Variants in LLPH observed in about 807,000 individuals in gnomAD.
The protein encoded by LLPH is LLP homolog, long-term synaptic facilitation factor.
Under a neutral mutation model 13.3 loss-of-function variants are expected in LLPH, and 5 were observed. The ratio of observed to expected loss-of-function variants is 0.38; its 90% CI spans 0.20 to 0.79. LLPH has a LOEUF of 0.79. Among genes scored for constraint, LLPH ranks in the 30% least tolerant of loss-of-function variants. LLPH has a pLI of 0.45. For missense variants in LLPH, 129 were observed against 152.1 expected (o/e 0.85, Z 0.80); for synonymous variants, 32 against 44.2 (o/e 0.72, Z 1.09).
In LLPH at chr12:66,122,871, T is replaced by C. The variant is rs2051472261; in HGVS notation, c.*969A>G. 1 of 152,164 alleles carries C rather than the reference T, an allele frequency of 6.6e-6. No homozygotes were observed. The highest frequency in any genetic ancestry group is 6.5e-5 in the Admixed American group (1 of 15,278). 9.4% of individuals were successfully genotyped at this position (152,164 alleles called of 1,614,324 possible). On this transcript the variant is annotated 3_prime_UTR_variant, in exon 3 of 3. Transcript: ENST00000266604. ...CATGATACTATATTAGGCCACACAA[T>C]ATTAACACTAAAGAACATTAAATCA... is the stretch of plus-strand genomic sequence containing the variant.
At chr12:66,125,663 C>T (rs906578675) in intron 2 of LLPH, among the ~76,000 whole-genome samples, 6 of 152,050 alleles carry the variant, frequency 3.9e-5, no homozygotes, top group Admixed American at 3.3e-4. Flanking sequence ...AGGAGATCTC[C>T]GAATAAAACC....
rs1466971350 is a variant in LLPH at position 66,117,107 on chromosome 12, A to G, written c.*6733T>C. ...TTTTTTTTTGGCTGAAAAGAACTTTAACAGCTTTCAACCCAAATTCCAAGA... is the reference window on the plus strand; with the variant it reads ...TTTTTTTTTGGCTGAAAAGAACTTTGACAGCTTTCAACCCAAATTCCAAGA... On this transcript the variant is annotated 3_prime_UTR_variant, in exon 3 of 3. Coordinates refer to ENST00000266604, the MANE Select transcript of LLPH (RefSeq NM_032338.4). 1 of 152,198 alleles carries G rather than the reference A, an allele frequency of 6.6e-6. No individual in the cohort carries two copies. The highest frequency in any genetic ancestry group is 2.4e-5 in the African/African-American group (1 of 41,450). 9.4% of individuals were successfully genotyped at this position (152,198 alleles called of 1,614,324 possible). A position where few individuals can be genotyped will look rare whatever the true frequency, so the allele number is the denominator to read the frequency against.
At position 66,118,765 on chromosome 12, in the gene LLPH, T is replaced by C. The variant is rs2051445157; in HGVS notation, c.*5075A>G. ...CTCAGAACACATCCCAGTCATTTAG[T>C]GACATATGACTATATATGGGAGGAT... On this transcript the variant is annotated 3_prime_UTR_variant, in exon 3 of 3. Transcript: ENST00000266604. The C allele has an allele frequency of 6.6e-6, 1 of 152,202 alleles. No homozygotes were observed. Among genetic ancestry groups the C allele is most frequent in the South Asian group, 2.1e-4 (1 of 4,838 alleles). The allele number at this position is 152,202 out of a possible 1,614,324, so 9.4% of individuals were successfully genotyped here.
At position 66,118,689 on chromosome 12, in the gene LLPH, C is replaced by G. The variant is rs1255470504; in HGVS notation, c.*5151G>C. On this transcript the variant is annotated 3_prime_UTR_variant, in exon 3 of 3. Coordinates refer to ENST00000266604, the MANE Select transcript of LLPH (RefSeq NM_032338.4). Reference sequence around the variant, plus strand: ...GATACCCTCTAGATTTGTGTAAGTACAGTCTATGATATTCACACAATGATT... The same window carrying G: ...GATACCCTCTAGATTTGTGTAAGTAGAGTCTATGATATTCACACAATGATT... 6.6e-6 allele frequency: 1 copy of G among 152,168 alleles called. No individual in the cohort carries two copies. Among genetic ancestry groups the G allele is most frequent in the Admixed American group, 6.5e-5 (1 of 15,280 alleles). The allele number at this position is 152,168 out of a possible 1,614,324, so 9.4% of individuals were successfully genotyped here. A position where few individuals can be genotyped will look rare whatever the true frequency, so the allele number is the denominator to read the frequency against.
chr12:66,118,702 T>G lies in LLPH; in HGVS notation c.*5138A>C, dbSNP rs931177834. 1.3e-5 allele frequency: 2 copies of G among 152,176 alleles called. No individual in the cohort carries two copies. Among genetic ancestry groups the G allele is most frequent in the Admixed American group, 6.5e-5 (1 of 15,274 alleles). The allele number at this position is 152,176 out of a possible 1,614,324, so 9.4% of individuals were successfully genotyped here. A position where few individuals can be genotyped will look rare whatever the true frequency, so the allele number is the denominator to read the frequency against. ...TTTGTGTAAGTACAGTCTATGATAT[T>G]CACACAATGATTAACGATATTACCT... On this transcript the variant is annotated 3_prime_UTR_variant, in exon 3 of 3. Transcript: ENST00000266604.
rs1235951067 is a variant in LLPH, at chr12:66,120,562, A to AT, written c.*3277dup. On this transcript the variant is annotated 3_prime_UTR_variant, in exon 3 of 3. Transcript: ENST00000266604. Reference sequence around the variant, plus strand: ...GCAGTTTTGATCATCTTTAAATTATATTTTGATTTCAGACTTAATTTCTTA... The same window carrying AT: ...GCAGTTTTGATCATCTTTAAATTATATTTTTGATTTCAGACTTAATTTCTTA... 1 of 152,192 alleles carries AT rather than the reference A, an allele frequency of 6.6e-6. No individual in the cohort carries two copies. The highest frequency in any genetic ancestry group is 2.4e-5 in the African/African-American group (1 of 41,448). The allele number at this position is 152,192 out of a possible 1,614,324, so 9.4% of individuals were successfully genotyped here.
In LLPH at chr12:66,118,496, ATT is replaced by A. The variant is rs1248226973; in HGVS notation, c.*5342_*5343del. 1 of 151,948 alleles carries A rather than the reference ATT, an allele frequency of 6.6e-6. No homozygotes were observed. Among genetic ancestry groups the A allele is most frequent in the African/African-American group, 2.4e-5 (1 of 41,352 alleles). 9.4% of individuals were successfully genotyped at this position (151,948 alleles called of 1,614,324 possible). The stretch of plus-strand genomic sequence containing the variant: ...TATTCATAAGTGGTACAGGTGTACC[ATT>A]TTTTTATCTTTTATACTGTATTTTT... On this transcript the variant is annotated 3_prime_UTR_variant, in exon 3 of 3. Coordinates refer to ENST00000266604, the MANE Select transcript of LLPH (RefSeq NM_032338.4).
In LLPH at chr12:66,120,021, C is replaced by T. The variant is rs1237412788; in HGVS notation, c.*3819G>A. 1.3e-5 allele frequency: 2 copies of T among 152,368 alleles called. No individual in the cohort carries two copies. The highest frequency in any genetic ancestry group is 6.5e-5 in the Admixed American group (1 of 15,310). 9.4% of individuals were successfully genotyped at this position (152,368 alleles called of 1,614,324 possible). A position where few individuals can be genotyped will look rare whatever the true frequency, so the allele number is the denominator to read the frequency against. Reference sequence around the variant, plus strand: ...AAATAGGATGTGGTCAAAACCACTACTTGATTCTACCTTAGAGCTTCAACT... The same window carrying T: ...AAATAGGATGTGGTCAAAACCACTATTTGATTCTACCTTAGAGCTTCAACT... On this transcript the variant is annotated 3_prime_UTR_variant, in exon 3 of 3. Coordinates refer to ENST00000266604, the MANE Select transcript of LLPH (RefSeq NM_032338.4).
At chr12:66,128,514 G>GTGA (rs2051511526) in intron 2 of LLPH, among the ~76,000 whole-genome samples, 1 of 152,112 alleles carries the variant, frequency 6.6e-6, no homozygotes, top group South Asian at 2.1e-4. Context: ...TAGGCCCTGA[G>GTGA]TGAACTGTGT....
chr12:66,125,499 A>G (rs2051490509), intron 2 of LLPH, among the ~76,000 whole-genome samples: 1 of 152,162 alleles, frequency 6.6e-6, no homozygotes, highest in Non-Finnish European at 1.5e-5. Flanking sequence ...CAAATAGATT[A>G]CTAAATGGGG....
At position 66,129,038 on chromosome 12, in the gene LLPH, T is replaced by C. The variant is rs748681815; in HGVS notation, c.69A>G (p.Pro23=). 29 of 1,611,364 alleles carry C rather than the reference T, an allele frequency of 1.8e-5. No individual in the cohort carries two copies. The highest frequency in any genetic ancestry group is 2.4e-5 in the Non-Finnish European group (28 of 1,177,822). Reference sequence around the variant, plus strand: ...TACTTTTAAGCCTGCTGGCCTCCTTTGGGGCATTCTTTTTTCTCTTTTCAG... The same window carrying C: ...TACTTTTAAGCCTGCTGGCCTCCTTCGGGGCATTCTTTTTTCTCTTTTCAG... ...MRAEKRKKNA[P]KEASRLKSIL... Residue 23 remains proline (P), a synonymous_variant, in exon 2 of 3, where the codon CCA becomes CCG. Coordinates refer to ENST00000266604, the MANE Select transcript of LLPH (RefSeq NM_032338.4).
intron 2 of LLPH, among the ~76,000 whole-genome samples, 200 bp downstream of exon 2, chr12:66,128,696 G>C (rs1415915259): frequency 1.3e-5 from 2 of 151,938 alleles, no homozygotes; most frequent in African/African-American, 4.8e-5. Context: ...GAAGCGCAGA[G>C]GGGCTGGGCA....
In LLPH at chr12:66,117,327, A is replaced by G. The variant is rs2051434982; in HGVS notation, c.*6513T>C. On this transcript the variant is annotated 3_prime_UTR_variant, in exon 3 of 3. Coordinates refer to ENST00000266604, the MANE Select transcript of LLPH (RefSeq NM_032338.4). ...ATTATAAGTAATCTAGAGATGATTT[A>G]AAGTACAGTCATGCATTGCATGATG... The G allele has an allele frequency of 6.6e-6, 1 of 152,234 alleles. No homozygotes were observed. The highest frequency in any genetic ancestry group is 2.1e-4 in the South Asian group (1 of 4,834). The allele number at this position is 152,234 out of a possible 1,614,324, so 9.4% of individuals were successfully genotyped here. A position where few individuals can be genotyped will look rare whatever the true frequency, so the allele number is the denominator to read the frequency against.
intron 2 of LLPH, among the ~76,000 whole-genome samples, chr12:66,126,176 T>A (rs906425443): frequency 6.6e-6 from 1 of 151,492 alleles, no homozygotes; most frequent in African/African-American, 2.4e-5. Context: ...TACAAAAAAT[T>A]AGCCGGGTGT....
rs76125191 is a variant in LLPH at position 66,119,455 on chromosome 12, CAG to C, written c.*4383_*4384del. 5,067 of 152,298 alleles carry C rather than the reference CAG, an allele frequency of 0.033. 132 individuals are homozygous for C. Among genetic ancestry groups the C allele is most frequent in the Non-Finnish European group, 0.053 (3,596 of 68,016 alleles). 9.4% of individuals were successfully genotyped at this position (152,298 alleles called of 1,614,324 possible). A position where few individuals can be genotyped will look rare whatever the true frequency, so the allele number is the denominator to read the frequency against. On this transcript the variant is annotated 3_prime_UTR_variant, in exon 3 of 3. Transcript: ENST00000266604. The stretch of plus-strand genomic sequence containing the variant: ...CTACCTGACAGTCCTCTGGAAACAG[CAG>C]AGTGACCTTTGACCTGATGTAAGTA...
intron 2 of LLPH, among the ~76,000 whole-genome samples, chr12:66,127,907 A>T (rs1309817219): frequency 1.3e-5 from 2 of 152,246 alleles, no homozygotes; most frequent in African/African-American, 4.8e-5. Flanking sequence ...AGGCAGATGC[A>T]TGAGTACAAC....
chr12:66,126,561 C>T (rs1319079549), intron 2 of LLPH, among the ~76,000 whole-genome samples: 3 of 151,950 alleles, frequency 2.0e-5, no homozygotes, highest in Admixed American at 6.6e-5. Context: ...AGACAAACAA[C>T]GTAATTGAAA....
At position 66,123,520 on chromosome 12, in the gene LLPH, A is replaced by G. The variant is rs568736935; in HGVS notation, c.*320T>C. Reference sequence around the variant, plus strand: ...TCAGTACATCATCTGTTTTATCTCTATTGACTATAATTACCAGTTGTAAGA... The same window carrying G: ...TCAGTACATCATCTGTTTTATCTCTGTTGACTATAATTACCAGTTGTAAGA... On this transcript the variant is annotated 3_prime_UTR_variant, in exon 3 of 3. Coordinates refer to ENST00000266604, the MANE Select transcript of LLPH (RefSeq NM_032338.4). 3.7e-6 allele frequency: 1 copy of G among 272,248 alleles called. No homozygotes were observed. Among genetic ancestry groups the G allele is most frequent in the East Asian group, 7.7e-5 (1 of 12,944 alleles). The allele number at this position is 272,248 out of a possible 1,614,324, so 16.9% of individuals were successfully genotyped here.
chr12:66,127,898 G>A (rs1490361418), intron 2 of LLPH, among the ~76,000 whole-genome samples: 2 of 152,182 alleles, frequency 1.3e-5, no homozygotes, highest in African/African-American at 2.4e-5. Flanking sequence ...AGACTGATAA[G>A]GCAGATGCAT....
Sources: gnomAD v4.1 joint callset for allele counts (sites outside exome capture counted in the v4.1 genomes callset) on GRCh38, gnomAD v4.1.1 for gene constraint, MANE v1.5 for transcripts, NCBI Gene and HGNC (gene_info 2026-07-23, HGNC 2026-07-21) for gene names.